MAST2: variants seen among roughly 807,000 people sequenced by gnomAD.
MAST2 encodes microtubule associated serine/threonine kinase 2.
A neutral mutation model predicts 147.4 loss-of-function variants in MAST2; 70 were observed. That is an observed-to-expected ratio of 0.47 (90% CI 0.39 to 0.58). MAST2 has a LOEUF of 0.58. Among genes scored for constraint, MAST2 ranks in the 20% least tolerant of loss-of-function variants. The probability of loss-of-function intolerance (pLI) is 0.00; values close to 1 mark genes in which losing one functional copy is unlikely to be tolerated. For synonymous variants in MAST2, 869 were observed against 896.8 expected, an observed-to-expected ratio of 0.97 and a Z score of 0.55; for missense variants, 2,080 against 2,302.3, an observed-to-expected ratio of 0.90 and a Z score of 1.98.
chr1:45,997,482 A>G (rs1339303207), intron 5 of MAST2, among the ~76,000 whole-genome samples: 1 of 152,194 alleles, frequency 6.6e-6, no homozygotes, highest in Non-Finnish European at 1.5e-5. Context: ...GAAATAGTCA[A>G]GTTGCTGCTA....
At chr1:45,971,170 A>G (rs946677806) in intron 5 of MAST2, among the ~76,000 whole-genome samples, 4 of 152,184 alleles carry the variant, frequency 2.6e-5, no homozygotes, top group Admixed American at 2.0e-4. Flanking sequence ...GACTTGTTGT[A>G]GTTGCAGCCC....
intron 5 of MAST2, among the ~76,000 whole-genome samples, chr1:45,979,437 T>G (rs952485440): frequency 1.6e-4 from 24 of 150,974 alleles, no homozygotes; most frequent in Admixed American, 3.3e-4. Flanking sequence ...TTGTTTTTTT[T>G]TTTTTTTTTT....
chr1:45,854,784 G>T (rs572176869), intron 3 of MAST2, among the ~76,000 whole-genome samples: 15 of 152,228 alleles, frequency 9.9e-5, no homozygotes, highest in African/African-American at 3.6e-4. Flanking sequence ...TATACTGCAT[G>T]CCTGGAATAA....
intron 3 of MAST2, among the ~76,000 whole-genome samples, chr1:45,864,067 C>T (rs4660895): frequency 0.34 from 51,716 of 152,016 alleles, 9,206 homozygotes; most frequent in African/African-American, 0.44. Context: ...CAATCTTTCA[C>T]TCTTAAAATC....
At chr1:45,931,860 TAA>T (rs1655368341) in intron 4 of MAST2, among the ~76,000 whole-genome samples, 1 of 152,132 alleles carries the variant, frequency 6.6e-6, no homozygotes, top group Admixed American at 6.5e-5. Flanking sequence ...GGCTAAGTTT[TAA>T]AAAATTTTTT....
At chr1:45,859,534 T>C (rs1349005955) in intron 3 of MAST2, among the ~76,000 whole-genome samples, 1 of 152,194 alleles carries the variant, frequency 6.6e-6, no homozygotes, top group Non-Finnish European at 1.5e-5. Context: ...GAAGTACTCA[T>C]AATTTGTTGT....
intron 4 of MAST2, among the ~76,000 whole-genome samples, chr1:45,902,298 T>C (rs1187130511): frequency 6.6e-6 from 1 of 152,246 alleles, no homozygotes; most frequent in Non-Finnish European, 1.5e-5. Context: ...TTGATTTGTG[T>C]ACGCTGAACC....
chr1:45,903,646 G>C (rs1650181332), intron 4 of MAST2, among the ~76,000 whole-genome samples: 1 of 152,130 alleles, frequency 6.6e-6, no homozygotes, highest in Non-Finnish European at 1.5e-5. Flanking sequence ...TATTCCATGA[G>C]GTCTGAGAAG....
chr1:45,980,841 G>A (rs746321777), intron 5 of MAST2, among the ~76,000 whole-genome samples: 4 of 151,954 alleles, frequency 2.6e-5, no homozygotes, highest in Non-Finnish European at 5.9e-5. Flanking sequence ...GGCCCAGAAT[G>A]TTGTTATAAC....
chr1:45,861,112 T>A, intron 3 of MAST2, among the ~76,000 whole-genome samples: 1 of 152,234 alleles, frequency 6.6e-6, no homozygotes, highest in East Asian at 1.9e-4. Flanking sequence ...AGCACCTCTA[T>A]TAAATCTTTT....
chr1:45,928,441 A>C lies in MAST2; in HGVS notation c.501-30945A>C, dbSNP rs373322761. ...TATTTGGTTAATACATCTCTTAAGT[A>C]GGGTGGTGATACAATTTAGTGTCTA... On this transcript the variant is annotated intron_variant, in intron 4 of 28. Transcript: ENST00000361297. Among the ~76,000 whole-genome samples, 201 of 152,344 alleles carry C rather than the reference A, an allele frequency of 1.3e-3. 1 individual carries two copies. The highest frequency in any genetic ancestry group is 4.6e-3 in the African/African-American group (190 of 41,586).
intron 4 of MAST2, among the ~76,000 whole-genome samples, chr1:45,927,013 G>A (rs1465083180): frequency 2.0e-5 from 3 of 152,186 alleles, no homozygotes; most frequent in African/African-American, 7.2e-5. Context: ...ACAAAAGAGA[G>A]AAATTTTAAA....
At chr1:45,982,660 G>A (rs764333489) in intron 5 of MAST2, among the ~76,000 whole-genome samples, 1 of 152,086 alleles carries the variant, frequency 6.6e-6, no homozygotes, top group Non-Finnish European at 1.5e-5. Context: ...AATAAGTATA[G>A]TGCTTCTCTG....
intron 4 of MAST2, among the ~76,000 whole-genome samples, chr1:45,946,034 A>G (rs1224401488): frequency 6.6e-6 from 1 of 152,236 alleles, no homozygotes; most frequent in East Asian, 1.9e-4. Context: ...ATACATTACA[A>G]AACCATTATC....
At chr1:45,838,519 A>C (rs113898427) in intron 3 of MAST2, among the ~76,000 whole-genome samples, 1 of 152,106 alleles carries the variant, frequency 6.6e-6, no homozygotes, top group Non-Finnish European at 1.5e-5. Context: ...CAATGCGCCC[A>C]GTCAGCTATT....
At chr1:45,961,459 A>G (rs555711901) in intron 5 of MAST2, among the ~76,000 whole-genome samples, 2 of 152,312 alleles carry the variant, frequency 1.3e-5, no homozygotes, top group Admixed American at 1.3e-4. Flanking sequence ...TAGATTCTCC[A>G]CAGTTAGCAT....
At position 46,010,668 on chromosome 1, in the gene MAST2, G is replaced by A. The variant is rs544026022; in HGVS notation, c.979-62G>A. 1.7e-5 allele frequency: 25 copies of A among 1,492,642 alleles called. No homozygotes were observed. The South Asian group carries it at 1.9e-4, about 11-fold the overall frequency. The allele number at this position is 1,492,642 out of a possible 1,614,324, so 92.5% of individuals were successfully genotyped here. A position where few individuals can be genotyped will look rare whatever the true frequency, so the allele number is the denominator to read the frequency against. ...TATTTTGCTATTTCCAGGTCCTTCA[G>A]GCTTAGCTCCAACTGAGCTGGAACT... On this transcript the variant is annotated intron_variant, in intron 9 of 28. Coordinates refer to ENST00000361297, the MANE Select transcript of MAST2 (RefSeq NM_015112.3).
At chr1:45,925,427 A>G (rs1296111720) in intron 4 of MAST2, among the ~76,000 whole-genome samples, 3 of 152,334 alleles carry the variant, frequency 2.0e-5, no homozygotes, top group Non-Finnish European at 4.4e-5. Flanking sequence ...CATGTCTTCT[A>G]AGAAAATGAT....
Position 46,024,096 on chromosome 1 carries a change from C to T in MAST2, c.1780+116C>T, listed in dbSNP as rs1276696141. ...AGTTTCAGGGCCCAGCTTTCCAGTC[C>T]ACCTTTGGCATTGGTTTCTGCCTCA... On this transcript the variant is annotated intron_variant, in intron 15 of 28. Transcript: ENST00000361297. The T allele has an allele frequency of 2.4e-5, 24 of 979,796 alleles. No individual in the cohort carries two copies. The Admixed American group carries it at 4.3e-4, about 17-fold the overall frequency. 60.7% of individuals were successfully genotyped at this position (979,796 alleles called of 1,614,324 possible). A position where few individuals can be genotyped will look rare whatever the true frequency, so the allele number is the denominator to read the frequency against.
Sources: allele counts gnomAD v4.1 joint callset (sites outside exome capture counted in the v4.1 genomes callset), GRCh38; gene constraint gnomAD v4.1.1; transcripts MANE v1.5; gene names NCBI Gene and HGNC (gene_info 2026-07-23, HGNC 2026-07-21).